Variants in NTM observed in about 807,000 individuals in gnomAD.
NTM encodes IgLON family member 2.
Under a neutral mutation model 42.1 loss-of-function variants are expected in NTM, and 13 were observed. That is an observed-to-expected ratio of 0.31 (90% CI 0.20 to 0.49). The LOEUF (loss-of-function observed/expected upper bound fraction) is 0.49, where lower values mean the gene tolerates loss of function less well. Ranked by LOEUF, NTM falls within the 20% of genes least tolerant of loss-of-function variation. NTM has a pLI of 0.99. For synonymous variants in NTM, 187 were observed against 179.2 expected (o/e 1.04, Z -0.35); for missense variants, 373 against 452.8 (o/e 0.82, Z 1.60).
chr11:131,657,195 G>A (rs1370438138), intron 1 of NTM, among the ~76,000 whole-genome samples: 1 of 151,310 alleles, frequency 6.6e-6, no homozygotes, highest in African/African-American at 2.4e-5. Context: ...GGGGACCCTT[G>A]AGTGGAGGCC....
chr11:132,081,278 T>C (rs961664145), intron 2 of NTM, among the ~76,000 whole-genome samples: 1 of 152,224 alleles, frequency 6.6e-6, no homozygotes, highest in Non-Finnish European at 1.5e-5. Context: ...TATGTATACA[T>C]ATTACACTAC....
chr11:131,699,275 A>C (rs993298026), intron 1 of NTM, among the ~76,000 whole-genome samples: 3 of 152,216 alleles, frequency 2.0e-5, no homozygotes, highest in Non-Finnish European at 2.9e-5. Flanking sequence ...ATAAATTAAA[A>C]ATTGAGTTTT....
At chr11:132,308,759 G>A (rs3099767) in intron 5 of NTM, among the ~76,000 whole-genome samples, 27,659 of 152,130 alleles carry the variant, frequency 0.18, 2,972 homozygotes, top group Middle Eastern at 0.27. Flanking sequence ...AAGAAGCAAG[G>A]CAATAGGTAT....
At chr11:132,083,461 A>G (rs1370309021) in intron 2 of NTM, among the ~76,000 whole-genome samples, 1 of 152,220 alleles carries the variant, frequency 6.6e-6, no homozygotes, top group Non-Finnish European at 1.5e-5. Context: ...CTCAGATAGG[A>G]CTTTTTAAAG....
Position 132,268,649 on chromosome 11 carries a change from T to C in NTM, c.527-39040T>C, listed in dbSNP as rs566374824. Reference sequence around the variant, plus strand: ...TGTGTGTGTATGTGTGTGTTTGTGGTGTGGGGTCCTCTCTCTCTCTCTGTG... The same window carrying C: ...TGTGTGTGTATGTGTGTGTTTGTGGCGTGGGGTCCTCTCTCTCTCTCTGTG... On this transcript the variant is annotated intron_variant, in intron 4 of 8. Transcript: ENST00000683400. Among the ~76,000 whole-genome samples, 34 of 137,818 alleles carry C rather than the reference T, an allele frequency of 2.5e-4. 1 individual carries two copies. In the East Asian group the frequency reaches 7.1e-3, roughly 29 times the overall value. 90.4% of individuals were successfully genotyped at this position (137,818 alleles called of 152,430 possible).
chr11:131,731,597 C>T (rs1284488866), intron 1 of NTM, among the ~76,000 whole-genome samples: 1 of 152,184 alleles, frequency 6.6e-6, no homozygotes, highest in African/African-American at 2.4e-5. Context: ...CCTTTCCAGT[C>T]CTCCACGTGG....
chr11:132,204,710 C>G (rs1270910604), intron 3 of NTM, among the ~76,000 whole-genome samples: 2 of 152,118 alleles, frequency 1.3e-5, no homozygotes, highest in African/African-American at 2.4e-5. Context: ...CCAGAGTGTG[C>G]AAGGCCTTTG....
chr11:131,899,320 TCTC>T (rs1333651980), intron 1 of NTM, among the ~76,000 whole-genome samples: 1 of 152,128 alleles, frequency 6.6e-6, no homozygotes, highest in Non-Finnish European at 1.5e-5. Flanking sequence ...AGGGAACTGT[TCTC>T]CTCCTCAGGG....
chr11:131,422,361 A>G (rs1280513366), intron 1 of NTM, among the ~76,000 whole-genome samples: 1 of 152,188 alleles, frequency 6.6e-6, no homozygotes, highest in Non-Finnish European at 1.5e-5. Flanking sequence ...TCCCATCTTC[A>G]GTCTGATTAC....
At chr11:131,805,248 A>G (rs1048891571) in intron 1 of NTM, among the ~76,000 whole-genome samples, 3 of 152,182 alleles carry the variant, frequency 2.0e-5, no homozygotes, top group Non-Finnish European at 4.4e-5. Flanking sequence ...TCTTTACATG[A>G]GCATGTACTA....
At chr11:131,832,342 G>A (rs752845219) in intron 1 of NTM, among the ~76,000 whole-genome samples, 1 of 151,952 alleles carries the variant, frequency 6.6e-6, no homozygotes, top group Non-Finnish European at 1.5e-5. Context: ...GTGATGTTTG[G>A]CAAAGCAATC....
intron 1 of NTM, among the ~76,000 whole-genome samples, chr11:131,762,126 G>T (rs1591663503): frequency 1.3e-5 from 2 of 152,220 alleles, no homozygotes; most frequent in East Asian, 3.9e-4. Flanking sequence ...AATACACCAG[G>T]TTCATTTGTT....
chr11:131,969,543 G>A (rs755842353), intron 2 of NTM, among the ~76,000 whole-genome samples: 2 of 152,182 alleles, frequency 1.3e-5, no homozygotes, highest in Non-Finnish European at 2.9e-5. Flanking sequence ...GGGAGGCAGG[G>A]TGAGTCCTCC....
chr11:131,481,415 A>C (rs1165920560), intron 1 of NTM, among the ~76,000 whole-genome samples: 1 of 152,208 alleles, frequency 6.6e-6, no homozygotes, highest in African/African-American at 2.4e-5. Context: ...GACTGACCCC[A>C]GTTTGGGAAG....
chr11:131,954,053 G>A (rs963050863), intron 2 of NTM, among the ~76,000 whole-genome samples: 2 of 152,148 alleles, frequency 1.3e-5, no homozygotes, highest in Non-Finnish European at 2.9e-5. Context: ...GAATCGGAGG[G>A]ATCCCCAAAC....
chr11:131,549,539 T>C (rs2054375279), intron 1 of NTM, among the ~76,000 whole-genome samples: 1 of 152,116 alleles, frequency 6.6e-6, no homozygotes, highest in African/African-American at 2.4e-5. Flanking sequence ...CATGGAGTAA[T>C]GATTATATCT....
chr11:132,236,121 G>A (rs534221619), intron 4 of NTM, among the ~76,000 whole-genome samples: 2 of 152,166 alleles, frequency 1.3e-5, no homozygotes, highest in South Asian at 4.1e-4. Context: ...GTCATTGAAG[G>A]CATGACAAAG....
intron 6 of NTM, among the ~76,000 whole-genome samples, chr11:132,313,630 A>C (rs80041053): frequency 6.6e-6 from 1 of 152,188 alleles, no homozygotes; most frequent in Non-Finnish European, 1.5e-5. Context: ...GGTGGTATCC[A>C]TGATCGCCAT....
chr11:132,115,941 A>T (rs941339293), intron 2 of NTM, among the ~76,000 whole-genome samples: 1 of 152,204 alleles, frequency 6.6e-6, no homozygotes, highest in South Asian at 2.1e-4. Context: ...ACACAGGCTC[A>T]TCCTCCTCCT....
Sources: allele counts gnomAD v4.1 joint callset (sites outside exome capture counted in the v4.1 genomes callset), GRCh38; gene constraint gnomAD v4.1.1; transcripts MANE v1.5; gene names NCBI Gene and HGNC (gene_info 2026-07-23, HGNC 2026-07-21).